ATP2B1: variants seen among roughly 807,000 people sequenced by gnomAD.
ATP2B1 encodes the protein ATPase plasma membrane Ca2+ transporting 1, also known as plasma membrane calcium-transporting ATPase 1.
ATP2B1 carries 14 observed loss-of-function variants against 124.2 expected under a neutral mutation model. The observed-to-expected ratio is 0.11, with a 90% CI of 0.07 to 0.18. ATP2B1 has a LOEUF of 0.18. Among genes scored for constraint, ATP2B1 ranks in the 10% least tolerant of loss-of-function variants. The probability of loss-of-function intolerance (pLI) is 1.00; values close to 1 mark genes in which losing one functional copy is unlikely to be tolerated. For missense variants in ATP2B1, 763 were observed against 1,466.1 expected (o/e 0.52, Z 7.83); for synonymous variants, 449 against 492.4 (o/e 0.91, Z 1.17).
At chr12:89,691,450 TATAAG>T (rs757010820) in intron 1 of ATP2B1, among the ~76,000 whole-genome samples, 8 of 152,176 alleles carry the variant, frequency 5.3e-5, no homozygotes, top group Non-Finnish European at 7.4e-5. Flanking sequence ...AGAATTGGGT[TATAAG>T]ATATTTGCCA....
intron 1 of ATP2B1, among the ~76,000 whole-genome samples, chr12:89,700,410 T>C (rs1257770572): frequency 2.0e-5 from 3 of 152,166 alleles, no homozygotes; most frequent in African/African-American, 7.2e-5. Context: ...CACACTTAAG[T>C]ACCTTAAGTT....
At chr12:89,705,780 G>A (rs1260786788) in intron 1 of ATP2B1, among the ~76,000 whole-genome samples, 1 of 152,024 alleles carries the variant, frequency 6.6e-6, no homozygotes, top group Non-Finnish European at 1.5e-5. Flanking sequence ...AGCAGTAAGG[G>A]GATAAAACAC....
chr12:89,672,200 A>C (rs1291148619), intron 1 of ATP2B1, among the ~76,000 whole-genome samples: 2 of 152,210 alleles, frequency 1.3e-5, no homozygotes, highest in Non-Finnish European at 2.9e-5. Context: ...CACGCCTGTA[A>C]TCCCAGCACT....
At chr12:89,596,020 G>A (rs1442044597) in intron 20 of ATP2B1, among the ~76,000 whole-genome samples, 2 of 151,880 alleles carry the variant, frequency 1.3e-5, no homozygotes, top group East Asian at 3.9e-4. Flanking sequence ...GCCTGGGATG[G>A]AAAAAAAGAT....
At chr12:89,621,300 T>A (rs1423333492) in intron 10 of ATP2B1, among the ~76,000 whole-genome samples, 1 of 152,106 alleles carries the variant, frequency 6.6e-6, no homozygotes, top group East Asian at 1.9e-4. Context: ...GCTCTGGTTA[T>A]AAGGCTGGAG....
intron 1 of ATP2B1, among the ~76,000 whole-genome samples, chr12:89,674,886 T>C (rs774050630): frequency 3.3e-5 from 5 of 152,116 alleles, no homozygotes; most frequent in African/African-American, 1.2e-4. Context: ...AAACAAAAAA[T>C]AGACTACCAA....
chr12:89,605,049 CTA>C, intron 15 of ATP2B1, among the ~76,000 whole-genome samples: 1 of 152,238 alleles, frequency 6.6e-6, no homozygotes, highest in Non-Finnish European at 1.5e-5. Context: ...TGAACTACAA[CTA>C]TATTAACATA....
intron 1 of ATP2B1, among the ~76,000 whole-genome samples, chr12:89,658,473 C>T (rs574451091): frequency 5.9e-5 from 9 of 152,220 alleles, no homozygotes; most frequent in Admixed American, 4.6e-4. Context: ...AATACTAGAG[C>T]GTTGTTGTCA....
chr12:89,615,654 C>T (rs779922481), intron 12 of ATP2B1, among the ~76,000 whole-genome samples: 4 of 152,156 alleles, frequency 2.6e-5, no homozygotes, highest in African/African-American at 7.2e-5. Flanking sequence ...CCTAACTGCT[C>T]GCTCTCTTTC....
chr12:89,627,614 T>C (rs1001693901), intron 7 of ATP2B1, 64 bp downstream of exon 7: 3 of 1,536,518 alleles, frequency 2.0e-6, no homozygotes, highest in Non-Finnish European at 2.7e-6. Context: ...ATAAATATGG[T>C]ATACAGTAGA....
At chr12:89,658,168 A>G (rs78088813) in intron 1 of ATP2B1, among the ~76,000 whole-genome samples, 2 of 152,206 alleles carry the variant, frequency 1.3e-5, no homozygotes, top group Non-Finnish European at 2.9e-5. Context: ...AATAATTAAG[A>G]TAAGTCTGTG....
intron 1 of ATP2B1, among the ~76,000 whole-genome samples, chr12:89,701,017 T>A (rs1377974451): frequency 1.3e-5 from 2 of 152,242 alleles, no homozygotes; most frequent in African/African-American, 2.4e-5. Context: ...ACTCTATGTA[T>A]CACTCAGACA....
chr12:89,653,788 A>C (rs1284731972), intron 2 of ATP2B1, among the ~76,000 whole-genome samples: 1 of 152,234 alleles, frequency 6.6e-6, no homozygotes, highest in Non-Finnish European at 1.5e-5. Context: ...AATACCGTGA[A>C]AGAAACTGTA....
At chr12:89,659,930 A>G (rs1411875751) in intron 1 of ATP2B1, among the ~76,000 whole-genome samples, 1 of 149,368 alleles carries the variant, frequency 6.7e-6, no homozygotes, top group African/African-American at 2.5e-5. Flanking sequence ...AAAAAAAAAA[A>G]CAAAAAAAAA....
At chr12:89,606,203 G>GA (rs756059206) in intron 15 of ATP2B1, among the ~76,000 whole-genome samples, 38 of 152,188 alleles carry the variant, frequency 2.5e-4, no homozygotes, top group Non-Finnish European at 5.1e-4. Context: ...TATATGCGGT[G>GA]AATGTGGTCT....
rs1873140848 is a variant in ATP2B1 at position 89,589,317 on chromosome 12, C to G, written c.*1667G>C. Reference sequence around the variant, plus strand: ...GGTGAAATCTGGGCCCTAACACATGCCAGTTTCTAAAGGGTAAAGACAGAG... The same window carrying G: ...GGTGAAATCTGGGCCCTAACACATGGCAGTTTCTAAAGGGTAAAGACAGAG... On this transcript the variant is annotated 3_prime_UTR_variant, in exon 21 of 21. Transcript: ENST00000428670. 6.6e-6 allele frequency: 1 copy of G among 152,208 alleles called. No individual in the cohort carries two copies. The highest frequency in any genetic ancestry group is 1.5e-5 in the Non-Finnish European group (1 of 67,968). 9.4% of individuals were successfully genotyped at this position (152,208 alleles called of 1,614,324 possible). A position where few individuals can be genotyped will look rare whatever the true frequency, so the allele number is the denominator to read the frequency against.
chr12:89,613,308 G>A (rs1878378937), intron 12 of ATP2B1, among the ~76,000 whole-genome samples: 1 of 152,138 alleles, frequency 6.6e-6, no homozygotes, highest in South Asian at 2.1e-4. Flanking sequence ...AAACATGTAT[G>A]CAATGTAATT....
intron 1 of ATP2B1, among the ~76,000 whole-genome samples, chr12:89,704,124 T>C (rs956205686): frequency 2.0e-5 from 3 of 152,166 alleles, no homozygotes; most frequent in Non-Finnish European, 4.4e-5. Flanking sequence ...CAAAGAGATT[T>C]AGGTAATAAA....
chr12:89,683,231 C>A (rs908983758), intron 1 of ATP2B1, among the ~76,000 whole-genome samples: 1 of 152,134 alleles, frequency 6.6e-6, no homozygotes, highest in Admixed American at 6.6e-5. Context: ...TGTCATATGG[C>A]AATTTTAAAA....
Sources: allele counts gnomAD v4.1 joint callset (sites outside exome capture counted in the v4.1 genomes callset), GRCh38; gene constraint gnomAD v4.1.1; transcripts MANE v1.5; gene names NCBI Gene and HGNC (gene_info 2026-07-23, HGNC 2026-07-21).